Variants in GRM5 observed in about 807,000 individuals in gnomAD.
GRM5 encodes glutamate metabotropic receptor 5.
A neutral mutation model predicts 83.1 loss-of-function variants in GRM5; 19 were observed. The ratio of observed to expected loss-of-function variants is 0.23; its 90% confidence interval spans 0.16 to 0.34. The LOEUF is 0.34. Ranked by LOEUF, GRM5 falls within the 10% of genes least tolerant of loss-of-function variation. The probability of loss-of-function intolerance (pLI) is 1.00; values close to 1 mark genes in which losing one functional copy is unlikely to be tolerated. For missense variants in GRM5, 1,160 were observed against 1,588.3 expected (o/e 0.73, Z 4.58); for synonymous variants, 675 against 633.6 (o/e 1.07, Z -0.98).
Position 88,917,842 on chromosome 11 carries a change from C to T in GRM5, c.662-67687G>A, listed in dbSNP as rs564266876. Among the ~76,000 whole-genome samples the T allele has an allele frequency of 2.2e-3, 330 of 151,872 alleles. 5 individuals are homozygous for T. In the South Asian group the frequency reaches 0.035, roughly 16 times the overall value. ...CATGCCTACAAGATTTATAAAATAG[C>T]ATGAAAAGGGAAAATCTAAGAGTTA... On this transcript the variant is annotated intron_variant, in intron 2 of 9. Transcript: ENST00000305447.
intron 3 of GRM5, among the ~76,000 whole-genome samples, chr11:88,671,962 A>G (rs9988825): frequency 0.56 from 85,527 of 151,886 alleles, 26,746 homozygotes; most frequent in South Asian, 0.8. Flanking sequence ...ATTTAAACAG[A>G]AAACTTAAAA....
intron 8 of GRM5, among the ~76,000 whole-genome samples, chr11:88,560,065 A>T (rs1942718951): frequency 6.6e-6 from 1 of 152,092 alleles, no homozygotes. Context: ...CCATAGAGCA[A>T]GGAAATTGTA....
At chr11:88,630,558 CACACACACACACACAA>C (rs57448870) in intron 4 of GRM5, among the ~76,000 whole-genome samples, 4,683 of 45,186 alleles carry the variant, frequency 0.1, 229 homozygotes, top group African/African-American at 0.22. Flanking sequence ...CACACACACA[CACACACACACACACAA>C]ACACACACAC....
chr11:88,920,147 T>C (rs1945663408), intron 2 of GRM5, among the ~76,000 whole-genome samples: 1 of 151,886 alleles, frequency 6.6e-6, no homozygotes, highest in Non-Finnish European at 1.5e-5. Flanking sequence ...TCAACAAACC[T>C]TTAGCCAGAC....
intron 2 of GRM5, among the ~76,000 whole-genome samples, chr11:88,940,128 C>T (rs976198634): frequency 2.6e-5 from 4 of 151,840 alleles, no homozygotes; most frequent in African/African-American, 9.7e-5. Flanking sequence ...ATACGCCTGC[C>T]CAAATGAATC....
intron 9 of GRM5, among the ~76,000 whole-genome samples, 155 bp from the exon 10 acceptor site, chr11:88,509,659 G>C (rs1941308679): frequency 6.6e-6 from 1 of 152,214 alleles, no homozygotes; most frequent in East Asian, 1.9e-4. Context: ...CATGGAAAGA[G>C]ACCTTGGAAG....
At chr11:88,621,079 T>C (rs1418360027) in intron 4 of GRM5, among the ~76,000 whole-genome samples, 1 of 152,208 alleles carries the variant, frequency 6.6e-6, no homozygotes, top group Non-Finnish European at 1.5e-5. Context: ...TACAGTATTT[T>C]GCAGAACTTC....
intron 4 of GRM5, among the ~76,000 whole-genome samples, chr11:88,630,904 C>A (rs368642188): frequency 3.3e-5 from 5 of 152,134 alleles, no homozygotes; most frequent in Non-Finnish European, 5.9e-5. Flanking sequence ...AAGTCAAGAT[C>A]TTTCACATCA....
At chr11:88,903,388 A>T (rs897313395) in intron 2 of GRM5, among the ~76,000 whole-genome samples, 2 of 152,226 alleles carry the variant, frequency 1.3e-5, no homozygotes, top group African/African-American at 4.8e-5. Context: ...CAGCAATCCC[A>T]CTACTGGCTA....
intron 3 of GRM5, among the ~76,000 whole-genome samples, chr11:88,721,256 C>G (rs973495150): frequency 6.6e-6 from 1 of 152,046 alleles, no homozygotes; most frequent in South Asian, 2.1e-4. Flanking sequence ...TAATTTTTCT[C>G]CTTTCTAGAA....
At chr11:88,737,219 G>A (rs974632546) in intron 3 of GRM5, among the ~76,000 whole-genome samples, 2 of 152,012 alleles carry the variant, frequency 1.3e-5, no homozygotes, top group Non-Finnish European at 2.9e-5. Flanking sequence ...ATTTCATTGT[G>A]GATGTCTCCT....
At chr11:88,791,263 C>G (rs552214771) in intron 3 of GRM5, among the ~76,000 whole-genome samples, 1 of 152,004 alleles carries the variant, frequency 6.6e-6, no homozygotes, top group Non-Finnish European at 1.5e-5. Context: ...GAGATGCTTA[C>G]GAAAAATGCA....
At chr11:88,725,628 C>T (rs866799804) in intron 3 of GRM5, among the ~76,000 whole-genome samples, 5 of 152,136 alleles carry the variant, frequency 3.3e-5, no homozygotes, top group African/African-American at 1.2e-4. Context: ...ACACCTCATA[C>T]AGGAGAGCTC....
At chr11:88,556,430 C>A (rs1942629584) in intron 8 of GRM5, among the ~76,000 whole-genome samples, 1 of 151,036 alleles carries the variant, frequency 6.6e-6, no homozygotes, top group Non-Finnish European at 1.5e-5. Context: ...TTAAGCAATT[C>A]TCCTGCCTCA....
At chr11:88,554,593 A>G (rs1942583337) in intron 8 of GRM5, among the ~76,000 whole-genome samples, 1 of 152,206 alleles carries the variant, frequency 6.6e-6, no homozygotes, top group South Asian at 2.1e-4. Context: ...ATGCTGAGAT[A>G]CTAGCCAACT....
Position 88,504,682 on chromosome 11 carries a change from T to C in GRM5, c.*3910A>G, listed in dbSNP as rs1163461201. The stretch of plus-strand genomic sequence containing the variant: ...AACAGGCAAGTATATTTTGAAGTGC[T>C]AAAATAAAACATATTTATACAAGTA... On this transcript the variant is annotated 3_prime_UTR_variant, in exon 10 of 10. Coordinates refer to ENST00000305447, the MANE Select transcript of GRM5 (RefSeq NM_001143831.3). 6.6e-6 allele frequency: 1 copy of C among 152,106 alleles called. No homozygotes were observed. Among genetic ancestry groups the C allele is most frequent in the African/African-American group, 2.4e-5 (1 of 41,446 alleles). 9.4% of individuals were successfully genotyped at this position (152,106 alleles called of 1,614,324 possible). A position where few individuals can be genotyped will look rare whatever the true frequency, so the allele number is the denominator to read the frequency against.
At chr11:88,936,533 G>T (rs1446852524) in intron 2 of GRM5, among the ~76,000 whole-genome samples, 1 of 151,656 alleles carries the variant, frequency 6.6e-6, no homozygotes, top group Non-Finnish European at 1.5e-5. Flanking sequence ...GTGAAAACAT[G>T]GAAAACAATG....
Position 88,745,023 on chromosome 11 carries a change from A to G in GRM5, c.912-91620T>C, listed in dbSNP as rs139198463. ...CTATTTTAATTGATACTCAATTATA[A>G]TTGTTATATTTTACACATAGCAAAT... On this transcript the variant is annotated intron_variant, in intron 3 of 9. Coordinates refer to ENST00000305447, the MANE Select transcript of GRM5 (RefSeq NM_001143831.3). Among the ~76,000 whole-genome samples the G allele has an allele frequency of 2.9e-3, 441 of 152,250 alleles. 2 individuals are homozygous for G. The highest frequency in any genetic ancestry group is 0.01 in the African/African-American group (426 of 41,568).
chr11:88,867,083 G>A (rs747527308), intron 2 of GRM5, among the ~76,000 whole-genome samples: 2 of 152,050 alleles, frequency 1.3e-5, no homozygotes, highest in Non-Finnish European at 2.9e-5. Context: ...TTTGATATGA[G>A]TACCACGCTG....
Sources: allele counts gnomAD v4.1 joint callset (sites outside exome capture counted in the v4.1 genomes callset), GRCh38; gene constraint gnomAD v4.1.1; transcripts MANE v1.5; gene names NCBI Gene and HGNC (gene_info 2026-07-23, HGNC 2026-07-21).